Variants in RSU1 observed in about 807,000 individuals in gnomAD.
The protein encoded by RSU1 is Ras suppressor protein 1, also known as rsu-1.
A neutral mutation model predicts 31.1 loss-of-function variants in RSU1; 26 were observed. The ratio of observed to expected loss-of-function variants is 0.84; its 90% CI spans 0.61 to 1.16. RSU1 has a LOEUF of 1.16. Ranked by LOEUF, RSU1 falls within the 50% of genes most tolerant of loss-of-function variation. RSU1 has a pLI of 0.00. For synonymous variants in RSU1, 164 were observed against 136.3 expected (o/e 1.20, Z -1.41); for missense variants, 320 against 339.1 (o/e 0.94, Z 0.44).
intron 3 of RSU1, among the ~76,000 whole-genome samples, chr10:16,765,040 A>C (rs1837285918): frequency 1.3e-5 from 2 of 152,160 alleles, no homozygotes; most frequent in Non-Finnish European, 1.5e-5. Context: ...TACCACAAAC[A>C]GTCTATAAAA....
At chr10:16,636,566 AT>A (rs1834347872) in intron 8 of RSU1, among the ~76,000 whole-genome samples, 1 of 152,152 alleles carries the variant, frequency 6.6e-6, no homozygotes, top group Non-Finnish European at 1.5e-5. Context: ...AGCAGTGATC[AT>A]TTTGAAAAAA....
chr10:16,624,448 G>A (rs1834121843), intron 8 of RSU1, among the ~76,000 whole-genome samples: 1 of 151,854 alleles, frequency 6.6e-6, no homozygotes, highest in African/African-American at 2.4e-5. Flanking sequence ...AACTATTTCT[G>A]CCCATGACTG....
At chr10:16,604,397 C>A (rs891986007) in intron 8 of RSU1, among the ~76,000 whole-genome samples, 1 of 152,110 alleles carries the variant, frequency 6.6e-6, no homozygotes, top group African/African-American at 2.4e-5. Context: ...GCAGTAGGGA[C>A]CAGCGGCTGT....
intron 5 of RSU1, among the ~76,000 whole-genome samples, chr10:16,754,474 T>G (rs1588513839): frequency 6.6e-6 from 1 of 152,226 alleles, no homozygotes; most frequent in East Asian, 1.9e-4. Flanking sequence ...TAATAAATAT[T>G]TTTAATAAAT....
chr10:16,795,073 T>C (rs968397970), intron 2 of RSU1, among the ~76,000 whole-genome samples: 3 of 152,192 alleles, frequency 2.0e-5, no homozygotes, highest in Non-Finnish European at 2.9e-5. Context: ...GTTAGAACAG[T>C]CCCGGCGTGG....
At chr10:16,742,853 C>T (rs1046943871) in intron 7 of RSU1, among the ~76,000 whole-genome samples, 1 of 152,156 alleles carries the variant, frequency 6.6e-6, no homozygotes. Context: ...CCCTTTAAGG[C>T]AATAACTCAC....
chr10:16,747,003 T>A (rs1265292388), intron 7 of RSU1, among the ~76,000 whole-genome samples: 1 of 151,836 alleles, frequency 6.6e-6, no homozygotes, highest in Non-Finnish European at 1.5e-5. Context: ...AAGAGAATAA[T>A]CCCCCAACCC....
chr10:16,759,289 C>T (rs1213251944), intron 4 of RSU1, among the ~76,000 whole-genome samples: 1 of 152,090 alleles, frequency 6.6e-6, no homozygotes, highest in Admixed American at 6.6e-5. Flanking sequence ...TGCTTAAGCT[C>T]AGGAGCTCGA....
At chr10:16,745,736 A>C (rs1261474003) in intron 7 of RSU1, among the ~76,000 whole-genome samples, 2 of 152,226 alleles carry the variant, frequency 1.3e-5, no homozygotes, top group Admixed American at 6.5e-5. Flanking sequence ...GAGCCACATC[A>C]TATCAATATC....
intron 8 of RSU1, among the ~76,000 whole-genome samples, chr10:16,673,203 G>A (rs893028897): frequency 1.3e-5 from 2 of 151,990 alleles, no homozygotes; most frequent in African/African-American, 2.4e-5. Context: ...GTTCATCTCC[G>A]GTACCTGGTA....
chr10:16,733,369 G>T (rs1366178729), intron 7 of RSU1, among the ~76,000 whole-genome samples: 2 of 150,472 alleles, frequency 1.3e-5, no homozygotes, highest in African/African-American at 2.5e-5. Context: ...TGAGCCAAGC[G>T]TGGTGGCAGG....
chr10:16,738,993 A>T (rs948065763), intron 7 of RSU1, among the ~76,000 whole-genome samples: 3 of 152,044 alleles, frequency 2.0e-5, no homozygotes, highest in Non-Finnish European at 2.9e-5. Context: ...TAGGCTGCTG[A>T]GAATGATGGC....
At chr10:16,709,273 A>G (rs191129427) in intron 7 of RSU1, among the ~76,000 whole-genome samples, 1 of 151,190 alleles carries the variant, frequency 6.6e-6, no homozygotes. Flanking sequence ...GCGATAGTTT[A>G]CTGAGAATGA....
At chr10:16,679,664 G>GT (rs1835291939) in intron 8 of RSU1, among the ~76,000 whole-genome samples, 2 of 152,288 alleles carry the variant, frequency 1.3e-5, no homozygotes, top group South Asian at 4.1e-4. Flanking sequence ...AAAGCAGGTT[G>GT]TATCTCTGCT....
In RSU1 at chr10:16,817,247, G is replaced by A. The variant is rs1291175690; in HGVS notation, c.-4+68C>T. 6.5e-6 allele frequency: 4 copies of A among 616,010 alleles called. No homozygotes were observed. The East Asian group carries it at 1.1e-4, about 17-fold the overall frequency. The allele number at this position is 616,010 out of a possible 1,614,324, so 38.2% of individuals were successfully genotyped here. On this transcript the variant is annotated intron_variant, in intron 1 of 8. Transcript: ENST00000345264. The stretch of plus-strand genomic sequence containing the variant: ...CGGGTGCGGGGAGGGGATGGAGTGG[G>A]AAGGGTTCAGCCCCGCTGCGGCCAC...
At chr10:16,799,118 C>T (rs1275797875) in intron 2 of RSU1, among the ~76,000 whole-genome samples, 1 of 152,202 alleles carries the variant, frequency 6.6e-6, no homozygotes, top group Non-Finnish European at 1.5e-5. Flanking sequence ...AAAGGAGAGA[C>T]TGTATCATAG....
chr10:16,605,404 GTTGA>G (rs1277547352), intron 8 of RSU1, among the ~76,000 whole-genome samples: 1 of 152,156 alleles, frequency 6.6e-6, no homozygotes, highest in East Asian at 1.9e-4. Context: ...AGAAATGTTT[GTTGA>G]TTGACTTAAT....
At chr10:16,765,071 A>ATAC (rs1270868302) in intron 3 of RSU1, among the ~76,000 whole-genome samples, 2 of 152,070 alleles carry the variant, frequency 1.3e-5, no homozygotes, top group Non-Finnish European at 2.9e-5. Flanking sequence ...TGAAGCATAT[A>ATAC]TACTTATGGT....
intron 8 of RSU1, among the ~76,000 whole-genome samples, chr10:16,673,198 T>C (rs1225131318): frequency 6.6e-6 from 1 of 152,176 alleles, no homozygotes; most frequent in African/African-American, 2.4e-5. Context: ...GAAGCGTTCA[T>C]CTCCGGTACC....
Sources: allele counts gnomAD v4.1 joint callset (sites outside exome capture counted in the v4.1 genomes callset), GRCh38; gene constraint gnomAD v4.1.1; transcripts MANE v1.5; gene names NCBI Gene and HGNC (gene_info 2026-07-23, HGNC 2026-07-21).